Variants in BCAS3 observed in about 807,000 individuals in gnomAD.
BCAS3 encodes the protein BCAS3 microtubule associated cell migration factor.
In BCAS3, 53 loss-of-function variants were observed where a neutral mutation model predicts 116.1. The observed-to-expected ratio is 0.46, with a 90% CI of 0.37 to 0.57. The LOEUF (loss-of-function observed/expected upper bound fraction) is 0.57, where lower values mean the gene tolerates loss of function less well. BCAS3 is among the 20% of genes least tolerant of loss of function. The pLI is 0.00. For missense variants in BCAS3, 917 were observed against 1,165.4 expected (o/e 0.79, Z 3.10); for synonymous variants, 391 against 408.2 (o/e 0.96, Z 0.51).
intron 6 of BCAS3, among the ~76,000 whole-genome samples, chr17:60,775,521 G>C (rs1263639566): frequency 0.024 from 3,699 of 151,212 alleles, 151 homozygotes; most frequent in African/African-American, 0.084. Flanking sequence ...TCTTGTTGTT[G>C]TTACTGTACT....
intron 6 of BCAS3, among the ~76,000 whole-genome samples, chr17:60,806,375 A>G (rs2048289869): frequency 6.6e-6 from 1 of 152,202 alleles, no homozygotes; most frequent in Non-Finnish European, 1.5e-5. Flanking sequence ...TCAGGAATCA[A>G]AGAGCCGGTC....
intron 7 of BCAS3, among the ~76,000 whole-genome samples, chr17:60,816,722 T>C (rs1392003148): frequency 1.3e-5 from 2 of 152,154 alleles, no homozygotes; most frequent in Admixed American, 6.5e-5. Context: ...GAATTGCAAT[T>C]TGGGGCCACA....
chr17:61,246,099 T>C (rs989088778), intron 22 of BCAS3, among the ~76,000 whole-genome samples: 1 of 152,176 alleles, frequency 6.6e-6, no homozygotes, highest in Non-Finnish European at 1.5e-5. Context: ...AATTCTCTTC[T>C]ATCCTGGGAG....
At chr17:60,791,682 A>G (rs1455458356) in intron 6 of BCAS3, among the ~76,000 whole-genome samples, 4 of 152,192 alleles carry the variant, frequency 2.6e-5, no homozygotes, top group Admixed American at 2.6e-4. Context: ...CACCCAGCCT[A>G]AGAAATAAAA....
intron 22 of BCAS3, among the ~76,000 whole-genome samples, chr17:61,115,677 G>T (rs1244329860): frequency 7.1e-6 from 1 of 140,260 alleles, no homozygotes; most frequent in Non-Finnish European, 1.6e-5. Flanking sequence ...GTGGAAGTCA[G>T]TGTGGCGATT....
rs117213312 is a variant in BCAS3 at position 61,129,346 on chromosome 17, T to C, written c.2425+44782T>C. ...ATTATTCACCTTTACATTTTTAACA[T>C]GATTGTTAGCTTAGACTACGAGAGC... On this transcript the variant is annotated intron_variant, in intron 22 of 23. Transcript: ENST00000407086. Among the ~76,000 whole-genome samples the C allele has an allele frequency of 9.8e-5, 15 of 152,372 alleles. 1 individual carries two copies. The East Asian group carries it at 2.9e-3, about 29-fold the overall frequency.
In BCAS3 at chr17:61,105,128, G is replaced by A. The variant is rs1440372144; in HGVS notation, c.2425+20564G>A. On this transcript the variant is annotated intron_variant, in intron 22 of 23. Coordinates refer to ENST00000407086, the MANE Select transcript of BCAS3 (RefSeq NM_017679.5). This position sits in a 1 kb window ranked among gnomAD's most constrained non-coding sequence, Gnocchi z 4.3. Reference sequence around the variant, plus strand: ...TTTATGAGAATAAAAAGTGAATTGGGTGCTATTTAAATATTCTCTACTTAC... The same window carrying A: ...TTTATGAGAATAAAAAGTGAATTGGATGCTATTTAAATATTCTCTACTTAC... 6.6e-6 allele frequency among the ~76,000 whole-genome samples: 1 copy of A among 152,104 alleles called. No individual in the cohort carries two copies. The highest frequency in any genetic ancestry group is 1.5e-5 in the Non-Finnish European group (1 of 68,030).
In BCAS3 at chr17:61,344,868, C is replaced by T. The variant is rs1287127583; in HGVS notation, c.2426-23459C>T. The stretch of plus-strand genomic sequence containing the variant: ...GAGGAGTTGCAATGTCACTCCAGCC[C>T]CTTGTTTGCCACCATGGACAGGTAT... On this transcript the variant is annotated intron_variant, in intron 22 of 23. Coordinates refer to ENST00000407086, the MANE Select transcript of BCAS3 (RefSeq NM_017679.5). This position sits in a 1 kb window ranked among gnomAD's most constrained non-coding sequence, Gnocchi z 4.1. Among the ~76,000 whole-genome samples the T allele has an allele frequency of 1.3e-5, 2 of 151,954 alleles. No homozygotes were observed. Among genetic ancestry groups the T allele is most frequent in the Non-Finnish European group, 2.9e-5 (2 of 68,002 alleles).
chr17:60,975,070 C>T (rs1457276828), intron 14 of BCAS3, among the ~76,000 whole-genome samples: 4 of 150,324 alleles, frequency 2.7e-5, no homozygotes, highest in African/African-American at 9.9e-5. Context: ...GGCGCAATCT[C>T]GGCTCACTGC....
At chr17:61,035,107 G>C (rs1045745901) in intron 17 of BCAS3, among the ~76,000 whole-genome samples, 2 of 152,128 alleles carry the variant, frequency 1.3e-5, no homozygotes, top group African/African-American at 4.8e-5. Context: ...TTCACCCCTG[G>C]TCTGTGAAGT....
chr17:61,083,597 C>CT lies in BCAS3; in HGVS notation c.2328-854dup, dbSNP rs778684833. Among the ~76,000 whole-genome samples the CT allele has an allele frequency of 2.1e-3, 285 of 136,656 alleles. No individual in the cohort carries two copies. Among genetic ancestry groups the CT allele is most frequent in the Middle Eastern group, 3.8e-3 (1 of 264 alleles). 89.7% of individuals were successfully genotyped at this position (136,656 alleles called of 152,430 possible). On this transcript the variant is annotated intron_variant, in intron 21 of 23. Coordinates refer to ENST00000407086, the MANE Select transcript of BCAS3 (RefSeq NM_017679.5). The surrounding 1 kb of genome is among the most constrained non-coding windows in gnomAD (Gnocchi z 4.9). Reference sequence around the variant, plus strand: ...ATTTGGCATTTATATGTTTATTATTCTTTTTTTTTTTTTTTTGAGACGGAG... The same window carrying CT: ...ATTTGGCATTTATATGTTTATTATTCTTTTTTTTTTTTTTTTTGAGACGGAG...
At chr17:61,257,920 T>C (rs747306862) in intron 22 of BCAS3, among the ~76,000 whole-genome samples, 1 of 152,240 alleles carries the variant, frequency 6.6e-6, no homozygotes, top group African/African-American at 2.4e-5. Context: ...ACTGATCTTT[T>C]CTTTCTTACC....
At chr17:60,970,599 G>A (rs1461841178) in intron 14 of BCAS3, among the ~76,000 whole-genome samples, 2 of 152,104 alleles carry the variant, frequency 1.3e-5, no homozygotes, top group African/African-American at 2.4e-5. Context: ...GAGATATTTT[G>A]TACTGTTCAA....
intron 19 of BCAS3, among the ~76,000 whole-genome samples, chr17:61,067,740 A>AAAAATATATAT (rs1555697139): frequency 7.5e-6 from 1 of 133,744 alleles, no homozygotes; most frequent in Admixed American, 7.4e-5. Flanking sequence ...AAAAAAAAAA[A>AAAAATATATAT]ATATATATAT....
Position 61,339,182 on chromosome 17 carries a change from C to T in BCAS3, c.2426-29145C>T, listed in dbSNP as rs1033414133. On this transcript the variant is annotated intron_variant, in intron 22 of 23. Coordinates refer to ENST00000407086, the MANE Select transcript of BCAS3 (RefSeq NM_017679.5). The surrounding 1 kb of genome is among the most constrained non-coding windows in gnomAD (Gnocchi z 4.4). The stretch of plus-strand genomic sequence containing the variant: ...ACGATTGGCAGTCATCTTCCCAGCT[C>T]TCGGCTTCAACCCTGATTCTGACAG... Among the ~76,000 whole-genome samples the T allele has an allele frequency of 6.6e-6, 1 of 152,196 alleles. No homozygotes were observed. The highest frequency in any genetic ancestry group is 1.5e-5 in the Non-Finnish European group (1 of 68,036).
At chr17:60,695,066 G>C (rs139319259) in intron 4 of BCAS3, among the ~76,000 whole-genome samples, 2 of 151,052 alleles carry the variant, frequency 1.3e-5, no homozygotes, top group African/African-American at 4.9e-5. Flanking sequence ...GCATGTGTCA[G>C]AATTTTCTTC....
chr17:61,387,353 A>G lies in BCAS3; in HGVS notation c.2594-4624A>G, dbSNP rs1055802128. 6.6e-6 allele frequency among the ~76,000 whole-genome samples: 1 copy of G among 152,166 alleles called. No individual in the cohort carries two copies. Among genetic ancestry groups the G allele is most frequent in the Non-Finnish European group, 1.5e-5 (1 of 68,022 alleles). Reference sequence around the variant, plus strand: ...CCCACCCCACCCCATCTCCCTGGGCACACGCTCCCAAGTGACCAGGGTTGC... The same window carrying G: ...CCCACCCCACCCCATCTCCCTGGGCGCACGCTCCCAAGTGACCAGGGTTGC... On this transcript the variant is annotated intron_variant, in intron 23 of 23. Transcript: ENST00000407086. This position sits in a 1 kb window ranked among gnomAD's most constrained non-coding sequence, Gnocchi z 6.2.
At chr17:60,931,653 A>G (rs1272357526) in intron 13 of BCAS3, among the ~76,000 whole-genome samples, 1 of 152,124 alleles carries the variant, frequency 6.6e-6, no homozygotes, top group Admixed American at 6.5e-5. Context: ...CCCTGAGTCT[A>G]CATAAAATGT....
chr17:61,231,189 G>A (rs2082659245), intron 22 of BCAS3, among the ~76,000 whole-genome samples: 2 of 152,064 alleles, frequency 1.3e-5, no homozygotes, highest in South Asian at 2.1e-4. Context: ...TGAGAGTGAT[G>A]ATGAGCATTT....
Sources: allele counts gnomAD v4.1 joint callset (sites outside exome capture counted in the v4.1 genomes callset), GRCh38; gene constraint gnomAD v4.1.1; non-coding constraint Gnocchi (gnomAD v3.1); transcripts MANE v1.5; gene names NCBI Gene and HGNC (gene_info 2026-07-23, HGNC 2026-07-21).